Variants in MAF observed in about 807,000 individuals in gnomAD.
MAF encodes transcription factor Maf.
MAF carries 10 observed loss-of-function variants against 22.0 expected under a neutral mutation model. The observed-to-expected ratio is 0.45, with a 90% CI of 0.28 to 0.77. The LOEUF is 0.77. MAF is among the 30% of genes least tolerant of loss of function. The pLI, the probability that MAF is intolerant of heterozygous loss-of-function variation, is 0.12. For missense variants in MAF, 544 were observed against 548.4 expected (o/e 0.99, Z 0.08); for synonymous variants, 337 against 255.8 (o/e 1.32, Z -3.03).
At chr16:79,507,665 T>C in the MAF span, among the ~76,000 whole-genome samples, 18 of 152,210 alleles carry the variant, frequency 1.2e-4, no homozygotes, top group Middle Eastern at 3.4e-3. Flanking sequence ...GACCTCGTGA[T>C]CCATCCGCCT....
the MAF span, among the ~76,000 whole-genome samples, chr16:79,403,294 C>T: frequency 5.8e-4 from 89 of 152,248 alleles, no homozygotes; most frequent in Admixed American, 2.6e-4. Context: ...AGCCCTGGAG[C>T]GGTATAGGGG....
chr16:79,274,079 C>T, the MAF span, among the ~76,000 whole-genome samples: 5 of 151,328 alleles, frequency 3.3e-5, no homozygotes, highest in East Asian at 2.0e-4. Flanking sequence ...CTCAGCCTCC[C>T]GAGTAGCTTG....
the MAF span, among the ~76,000 whole-genome samples, chr16:79,507,310 G>C: frequency 6.7e-6 from 1 of 149,058 alleles, no homozygotes; most frequent in Non-Finnish European, 1.5e-5. Context: ...TGGAGACCAG[G>C]TTTCATTGTG....
At chr16:79,424,976 C>A in the MAF span, among the ~76,000 whole-genome samples, 43 of 151,998 alleles carry the variant, frequency 2.8e-4, no homozygotes, top group Admixed American at 1.2e-3. Context: ...CACTGCTTCC[C>A]CTTGAAGGTA....
the MAF span, among the ~76,000 whole-genome samples, chr16:79,565,524 G>A: frequency 6.6e-6 from 1 of 151,866 alleles, no homozygotes; most frequent in African/African-American, 2.4e-5. Flanking sequence ...GGGACCAGTT[G>A]GGAGGTGACT....
the MAF span, among the ~76,000 whole-genome samples, chr16:79,479,926 G>C: frequency 6.6e-6 from 1 of 152,202 alleles, no homozygotes; most frequent in Admixed American, 6.5e-5. Context: ...AGTGTCCACA[G>C]TCCTACACTA....
At chr16:79,591,985 C>T (rs1160086243), downstream of MAF, among the ~76,000 whole-genome samples, 2 of 152,192 alleles carry the variant, frequency 1.3e-5, no homozygotes, top group Admixed American at 6.5e-5. Context: ...AAATGGACAG[C>T]CGAGCCTAGT....
At chr16:79,543,677 TTTTTTTTTTTTTC>T in the MAF span, among the ~76,000 whole-genome samples, 36 of 124,154 alleles carry the variant, frequency 2.9e-4, no homozygotes, top group African/African-American at 9.8e-4. Flanking sequence ...TTTCTTTTTC[TTTTTTTTTTTTTC>T]TTTTTTTTTT....
chr16:79,396,090 A>T, the MAF span, among the ~76,000 whole-genome samples: 3 of 152,196 alleles, frequency 2.0e-5, no homozygotes, highest in African/African-American at 7.2e-5. Flanking sequence ...AAATGACCCA[A>T]ATCCCTTATG....
At chr16:79,257,369 A>G in the MAF span, among the ~76,000 whole-genome samples, 1 of 152,162 alleles carries the variant, frequency 6.6e-6, no homozygotes, top group Admixed American at 6.5e-5. Context: ...TATAACCCTA[A>G]AATTGTTTCA....
chr16:79,600,179 C>T lies in MAF; in HGVS notation c.-277G>A. The stretch of plus-strand genomic sequence containing the variant: ...CCCTCCTTGCTCGCTCGCCTCCTTG[C>T]GCGCCGAGCCGGCGGCTTCAGGCTC... On this transcript the variant is annotated 5_prime_UTR_variant, in exon 1 of 2. Transcript: ENST00000326043. 1 of 380,144 alleles carries T rather than the reference C, an allele frequency of 2.6e-6. No individual in the cohort carries two copies. The allele number at this position is 380,144 out of a possible 1,614,324, so 23.5% of individuals were successfully genotyped here.
the MAF span, among the ~76,000 whole-genome samples, chr16:79,434,484 C>T: frequency 3.0e-4 from 46 of 152,260 alleles, no homozygotes; most frequent in Admixed American, 2.6e-3. Flanking sequence ...GGGGCTGCTA[C>T]AAGCCAGCTC....
the MAF span, among the ~76,000 whole-genome samples, chr16:79,343,823 C>T: frequency 6.6e-6 from 1 of 152,136 alleles, no homozygotes; most frequent in South Asian, 2.1e-4. Context: ...TTGACTTGGT[C>T]TTCCTACCCC....
the MAF span, among the ~76,000 whole-genome samples, chr16:79,209,322 G>C: frequency 1.1e-4 from 16 of 152,306 alleles, no homozygotes; most frequent in African/African-American, 3.8e-4. Flanking sequence ...TACCATTCCA[G>C]TAATGCAAGA....
the MAF span, among the ~76,000 whole-genome samples, chr16:79,472,715 T>A: frequency 6.6e-6 from 1 of 152,134 alleles, no homozygotes; most frequent in Non-Finnish European, 1.5e-5. Flanking sequence ...TGTACAACTC[T>A]ATACATATAC....
chr16:79,396,516 T>G, the MAF span, among the ~76,000 whole-genome samples: 7 of 152,208 alleles, frequency 4.6e-5, no homozygotes, highest in African/African-American at 1.7e-4. Context: ...AATATCCCAA[T>G]AGGAAGGCAT....
chr16:79,589,603 G>A (rs1913062991), downstream of MAF, among the ~76,000 whole-genome samples: 1 of 152,210 alleles, frequency 6.6e-6, no homozygotes, highest in Non-Finnish European at 1.5e-5. Context: ...GCCGCGATCG[G>A]GTGGAGTGAG....
chr16:79,334,678 C>T, the MAF span, among the ~76,000 whole-genome samples: 1 of 152,214 alleles, frequency 6.6e-6, no homozygotes, highest in Non-Finnish European at 1.5e-5. Flanking sequence ...TGGGGCCCTG[C>T]ATTGTTGTAC....
At chr16:79,211,540 T>G in the MAF span, 7 of 1,605,228 alleles carry the variant, frequency 4.4e-6, no homozygotes, top group Non-Finnish European at 5.1e-6. Context: ...GCCCAGGCAG[T>G]CGAAATGACG....
Sources: allele counts gnomAD v4.1 joint callset (sites outside exome capture counted in the v4.1 genomes callset), GRCh38; gene constraint gnomAD v4.1.1; transcripts MANE v1.5; gene names NCBI Gene and HGNC (gene_info 2026-07-23, HGNC 2026-07-21).